The following MS4A4A variants were observed in gnomAD, a reference collection of about 807,000 sequenced individuals.
MS4A4A encodes the protein membrane spanning 4-domains A4A.
A neutral mutation model predicts 28.0 loss-of-function variants in MS4A4A; 26 were observed. That is an observed-to-expected ratio of 0.93 (90% CI 0.68 to 1.29). MS4A4A has a LOEUF of 1.29. Among genes scored for constraint, MS4A4A ranks in the 50% most tolerant of loss-of-function variants. MS4A4A has a pLI of 0.00. For synonymous variants in MS4A4A, 86 were observed against 100.8 expected, an observed-to-expected ratio of 0.85 and a Z score of 0.88; for missense variants, 290 against 293.1, an observed-to-expected ratio of 0.99 and a Z score of 0.08.
chr11:60,306,568 T>C (rs925607427), intron 6 of MS4A4A, among the ~76,000 whole-genome samples: 1 of 152,204 alleles, frequency 6.6e-6, no homozygotes, highest in African/African-American at 2.4e-5. Context: ...TTCAGAATAA[T>C]GCCTTTCTTG....
At chr11:60,296,432 T>A (rs1296271615) in intron 2 of MS4A4A, among the ~76,000 whole-genome samples, 1 of 152,048 alleles carries the variant, frequency 6.6e-6, no homozygotes. Flanking sequence ...TTGGATTTTA[T>A]TGATTTTGTT....
rs1217198146 is a variant in MS4A4A, at chr11:60,308,130, T to A, written c.672T>A (p.His224Gln). The change falls in exon 7 of 7, where the codon CAT becomes CAA. Residue 224 changes from histidine (H) to glutamine (Q), a missense_variant. Physicochemically the swap from His to Gln is conservative, Grantham distance 24 (BLOSUM62 0). Coordinates refer to ENST00000337908, the MANE Select transcript of MS4A4A (RefSeq NM_148975.3). ...PGGVVLILPS[H>Q]SHMAETASPT... is the part of the protein sequence containing the mutation. ...AGGTTGTGTTAATTCTGCCATCACATTCTCACATGGCAGAAACAGCATCTC... is the reference window on the plus strand; with the variant it reads ...AGGTTGTGTTAATTCTGCCATCACAATCTCACATGGCAGAAACAGCATCTC... The A allele has an allele frequency of 6.2e-7, 1 of 1,614,044 alleles. No individual in the cohort carries two copies. The highest frequency in any genetic ancestry group is 2.2e-5 in the East Asian group (1 of 44,884).
chr11:60,298,268 C>T (rs2084923092), intron 3 of MS4A4A, among the ~76,000 whole-genome samples: 1 of 151,982 alleles, frequency 6.6e-6, no homozygotes, highest in Non-Finnish European at 1.5e-5. Flanking sequence ...GCAGGGTTTC[C>T]ATTTATTTCT....
At chr11:60,306,266 C>T (rs2085000649) in intron 6 of MS4A4A, 65 bp downstream of exon 6, 3 of 1,260,540 alleles carry the variant, frequency 2.4e-6, no homozygotes, top group Non-Finnish European at 3.5e-6. Context: ...ATCGATTACA[C>T]ACACTTAGAG....
Position 60,280,726 on chromosome 11 carries a change from G to C in MS4A4A, c.41+10G>C. 1 of 1,613,456 alleles carries C rather than the reference G, an allele frequency of 6.2e-7. No individual in the cohort carries two copies. Among genetic ancestry groups the C allele is most frequent in the Non-Finnish European group, 8.5e-7 (1 of 1,179,560 alleles). On this transcript the variant is annotated intron_variant, in intron 1 of 6. Transcript: ENST00000337908. The stretch of plus-strand genomic sequence containing the variant: ...GCAGGCCTGAAGAAAGGTAGGTCCA[G>C]GGACTTGCCTTCCTAGGCTTTCGGG...
intron 4 of MS4A4A, among the ~76,000 whole-genome samples, chr11:60,301,924 C>A (rs1328222550): frequency 1.3e-5 from 2 of 152,176 alleles, no homozygotes; most frequent in East Asian, 3.8e-4. Flanking sequence ...GGATCACAGG[C>A]ATGTGCCACC....
chr11:60,306,242 T>C lies in MS4A4A; in HGVS notation c.648+41T>C, dbSNP rs141957516. On this transcript the variant is annotated intron_variant, in intron 6 of 6. Coordinates refer to ENST00000337908, the MANE Select transcript of MS4A4A (RefSeq NM_148975.3). ...CATTTGAAGATGACTGTATTAGTTT[T>C]CTATTGCTGTGTAATCGATTACACA... 284 of 1,450,800 alleles carry C rather than the reference T, an allele frequency of 2.0e-4. 1 individual carries two copies. In the East Asian group the frequency reaches 5.3e-3, roughly 27 times the overall value. 89.9% of individuals were successfully genotyped at this position (1,450,800 alleles called of 1,614,324 possible).
chr11:60,305,869 C>A (rs1473283740), intron 5 of MS4A4A: 3 of 516,324 alleles, frequency 5.8e-6, no homozygotes, highest in South Asian at 5.8e-5. Flanking sequence ...CCCACAATAG[C>A]ACTGGGAGGT....
intron 2 of MS4A4A, among the ~76,000 whole-genome samples, chr11:60,294,202 T>C (rs1488671703): frequency 6.6e-6 from 1 of 152,208 alleles, no homozygotes. Flanking sequence ...ATTTCCCTTG[T>C]GACATAAGAT....
In MS4A4A at chr11:60,299,415, A is replaced by T. The variant is rs555602480; in HGVS notation, c.331-1586A>T. Among the ~76,000 whole-genome samples, 223 of 151,220 alleles carry T rather than the reference A, an allele frequency of 1.5e-3. 2 individuals are homozygous for T. The highest frequency in any genetic ancestry group is 2.5e-3 in the Non-Finnish European group (169 of 67,834). On this transcript the variant is annotated intron_variant, in intron 3 of 6. Coordinates refer to ENST00000337908, the MANE Select transcript of MS4A4A (RefSeq NM_148975.3). ...ACATAATAAAGACTTTTAGACTGAG[A>T]CAGATTTCTATCATGTTACAGAAAT... is the stretch of plus-strand genomic sequence containing the variant.
intron 3 of MS4A4A, 110 bp downstream of exon 3, chr11:60,297,435 G>A: frequency 8.0e-7 from 1 of 1,254,360 alleles, no homozygotes; most frequent in Non-Finnish European, 1.1e-6. Context: ...AAATCTGAGA[G>A]TGGTATCTAA....
intron 3 of MS4A4A, among the ~76,000 whole-genome samples, chr11:60,297,586 T>A (rs1428494163): frequency 6.6e-6 from 1 of 152,190 alleles, no homozygotes; most frequent in Non-Finnish European, 1.5e-5. Flanking sequence ...CCAGAATGGC[T>A]TAAACATTGG....
rs760648433 is a variant in MS4A4A at position 60,300,615 on chromosome 11, CAAAAAAAAAAAAA to C, written c.331-370_331-358del. 5.5e-5 allele frequency among the ~76,000 whole-genome samples: 2 copies of C among 36,038 alleles called. 1 individual carries two copies. Among genetic ancestry groups the C allele is most frequent in the Non-Finnish European group, 1.0e-4 (2 of 19,178 alleles). 23.6% of individuals were successfully genotyped at this position (36,038 alleles called of 152,430 possible). A position where few individuals can be genotyped will look rare whatever the true frequency, so the allele number is the denominator to read the frequency against. On this transcript the variant is annotated intron_variant, in intron 3 of 6. Transcript: ENST00000337908. ...TGGGCGACAGAGCGAGACTCCGTCTCAAAAAAAAAAAAAAAAAAAAAAAAAAAATTCTAAATGA... is the reference window on the plus strand; with the variant it reads ...TGGGCGACAGAGCGAGACTCCGTCTCAAAAAAAAAAAAAAATTCTAAATGA...
At chr11:60,293,692 G>A (rs1399598632) in intron 2 of MS4A4A, among the ~76,000 whole-genome samples, 1 of 152,136 alleles carries the variant, frequency 6.6e-6, no homozygotes, top group East Asian at 1.9e-4. Flanking sequence ...GCCTTTTCCA[G>A]AAAGTCATAC....
At chr11:60,296,378 T>G (rs2084905538) in intron 2 of MS4A4A, among the ~76,000 whole-genome samples, 3 of 152,082 alleles carry the variant, frequency 2.0e-5, no homozygotes, top group Admixed American at 2.0e-4. Context: ...GGCTAGAGGC[T>G]TTTTAAATTT....
At chr11:60,285,280 G>A (rs189207625) in intron 1 of MS4A4A, among the ~76,000 whole-genome samples, 12 of 152,290 alleles carry the variant, frequency 7.9e-5, no homozygotes, top group Non-Finnish European at 1.8e-4. Flanking sequence ...GAGACGGGAA[G>A]ATCACTTGAG....
intron 5 of MS4A4A, among the ~76,000 whole-genome samples, chr11:60,304,124 G>C (rs1306336443): frequency 6.6e-6 from 1 of 152,188 alleles, no homozygotes; most frequent in Non-Finnish European, 1.5e-5. Flanking sequence ...AGGAAGATTA[G>C]ATTCTACAAT....
chr11:60,292,108 T>G, intron 1 of MS4A4A, 117 bp from the exon 2 acceptor site: 1 of 1,255,546 alleles, frequency 8.0e-7, no homozygotes, highest in Non-Finnish European at 1.1e-6. Context: ...ACAGCTATTA[T>G]GATATGGGAA....
intron 1 of MS4A4A, chr11:60,290,336 T>G (rs2084844206): frequency 6.4e-6 from 1 of 155,118 alleles, no homozygotes; most frequent in East Asian, 1.9e-4. Flanking sequence ...TTTCATACTC[T>G]CACTACACTT....
Sources: allele counts gnomAD v4.1 joint callset (sites outside exome capture counted in the v4.1 genomes callset), GRCh38; gene constraint gnomAD v4.1.1; transcripts MANE v1.5; gene names NCBI Gene and HGNC (gene_info 2026-07-23, HGNC 2026-07-21).